NFIB: variants seen among roughly 807,000 people sequenced by gnomAD.
The protein encoded by NFIB is nuclear factor I B, also known as nuclear factor 1 B-type.
In NFIB, 11 loss-of-function variants were observed where a neutral mutation model predicts 61.5. The ratio of observed to expected loss-of-function variants is 0.18; its 90% CI spans 0.11 to 0.30. The LOEUF (loss-of-function observed/expected upper bound fraction) is 0.30. NFIB is among the 10% of genes least tolerant of loss of function. The pLI, the probability that NFIB is intolerant of heterozygous loss-of-function variation, is 1.00. For synonymous variants in NFIB, 260 were observed against 216.5 expected (o/e 1.20, Z -1.76); for missense variants, 471 against 608.9 (o/e 0.77, Z 2.38).
intron 3 of NFIB, among the ~76,000 whole-genome samples, chr9:14,157,644 T>A (rs527559950): frequency 6.6e-6 from 1 of 152,316 alleles, no homozygotes; most frequent in Admixed American, 6.5e-5. Context: ...AACTTCTAAG[T>A]AACAATCACT....
chr9:14,254,457 A>G (rs1029002172), intron 2 of NFIB, among the ~76,000 whole-genome samples: 8 of 152,194 alleles, frequency 5.3e-5, no homozygotes, highest in African/African-American at 1.9e-4. Context: ...GGCTTGCGTT[A>G]CTTACTGATC....
At chr9:14,291,324 A>C (rs974503681) in intron 2 of NFIB, among the ~76,000 whole-genome samples, 9 of 152,012 alleles carry the variant, frequency 5.9e-5, no homozygotes, top group Non-Finnish European at 7.4e-5. Context: ...GTCTCTACTA[A>C]AAATACAAAA....
chr9:14,188,991 A>G (rs918863145), intron 2 of NFIB, among the ~76,000 whole-genome samples: 1 of 152,242 alleles, frequency 6.6e-6, no homozygotes, highest in African/African-American at 2.4e-5. Context: ...TGCAATGTTT[A>G]TGATCCTATT....
Position 14,196,716 on chromosome 9 carries a change from G to A in NFIB, c.563-16936C>T, listed in dbSNP as rs544907053. Among the ~76,000 whole-genome samples, 17 of 148,724 alleles carry A rather than the reference G, an allele frequency of 1.1e-4. No individual in the cohort carries two copies. In the South Asian group the frequency reaches 3.0e-3, roughly 26 times the overall value. On this transcript the variant is annotated intron_variant, in intron 2 of 10. Coordinates refer to ENST00000380953, the MANE Select transcript of NFIB (RefSeq NM_001190737.2). The stretch of plus-strand genomic sequence containing the variant: ...AAAAAAAAAAAAAAACAGAGCCTAA[G>A]TTCATCACTCCTACCCTCAGAACTA...
At chr9:14,242,109 T>C (rs1278051964) in intron 2 of NFIB, among the ~76,000 whole-genome samples, 1 of 152,216 alleles carries the variant, frequency 6.6e-6, no homozygotes, top group Non-Finnish European at 1.5e-5. Context: ...ATATTTAATA[T>C]GTTAAACCTC....
intron 1 of NFIB, among the ~76,000 whole-genome samples, chr9:14,348,281 CAAAT>C (rs2061058755): frequency 1.3e-5 from 2 of 150,456 alleles, no homozygotes; most frequent in African/African-American, 2.4e-5. Context: ...TTCCAATTCC[CAAAT>C]AAATACCTAT....
intron 2 of NFIB, among the ~76,000 whole-genome samples, chr9:14,242,752 A>T (rs1472394549): frequency 6.6e-6 from 1 of 152,228 alleles, no homozygotes; most frequent in African/African-American, 2.4e-5. Flanking sequence ...AAGACATTCA[A>T]ATGTACCCTG....
At chr9:14,433,504 C>T in the NFIB span, among the ~76,000 whole-genome samples, 1 of 152,142 alleles carries the variant, frequency 6.6e-6, no homozygotes, top group Non-Finnish European at 1.5e-5. Context: ...TCTCTGTCAT[C>T]CTGAAAAAAC....
At chr9:14,258,639 C>CTA (rs1434997179) in intron 2 of NFIB, among the ~76,000 whole-genome samples, 1 of 152,198 alleles carries the variant, frequency 6.6e-6, no homozygotes, top group Non-Finnish European at 1.5e-5. Flanking sequence ...TCAGCATGAA[C>CTA]TATGCAACTA....
intron 1 of NFIB, among the ~76,000 whole-genome samples, chr9:14,384,166 A>T (rs989519347): frequency 1.3e-5 from 2 of 152,132 alleles, no homozygotes; most frequent in East Asian, 1.9e-4. Flanking sequence ...CGCAATCCTG[A>T]TGACAGCTCC....
chr9:14,177,972 T>C (rs1014511567), intron 3 of NFIB, among the ~76,000 whole-genome samples: 1 of 152,166 alleles, frequency 6.6e-6, no homozygotes, highest in African/African-American at 2.4e-5. Context: ...TTTAGGTGAG[T>C]ATAATTCCTT....
At chr9:14,107,688 C>T (rs2036773838) in intron 10 of NFIB, among the ~76,000 whole-genome samples, 1 of 152,074 alleles carries the variant, frequency 6.6e-6, no homozygotes. Flanking sequence ...AACCTTCTGA[C>T]TCCTAATCCC....
At chr9:14,210,627 G>A (rs2050209265) in intron 2 of NFIB, among the ~76,000 whole-genome samples, 1 of 151,924 alleles carries the variant, frequency 6.6e-6, no homozygotes, top group African/African-American at 2.4e-5. Flanking sequence ...AATTACTTCT[G>A]ATGGTTAAAA....
the NFIB span, among the ~76,000 whole-genome samples, chr9:14,412,564 G>A: frequency 6.6e-6 from 1 of 152,190 alleles, no homozygotes; most frequent in South Asian, 2.1e-4. Context: ...AATTCCCCAT[G>A]AGTCAAGTCC....
At chr9:14,502,886 CCCA>C in the NFIB span, among the ~76,000 whole-genome samples, 1 of 152,010 alleles carries the variant, frequency 6.6e-6, no homozygotes, top group South Asian at 2.1e-4. Flanking sequence ...TCACTCCCCT[CCCA>C]CCATTTCCCC....
At chr9:14,247,045 T>C (rs1453528191) in intron 2 of NFIB, among the ~76,000 whole-genome samples, 1 of 152,150 alleles carries the variant, frequency 6.6e-6, no homozygotes, top group Non-Finnish European at 1.5e-5. Flanking sequence ...CAGGTGGCTG[T>C]CTGCAAACCA....
intron 9 of NFIB, 24 bp from the exon 10 acceptor site, chr9:14,113,105 A>C: frequency 6.5e-7 from 1 of 1,545,814 alleles, no homozygotes; most frequent in Non-Finnish European, 8.7e-7. Flanking sequence ...AACAAAAACA[A>C]AGATAAAAAT....
chr9:14,277,597 T>G (rs1157223855), intron 2 of NFIB, among the ~76,000 whole-genome samples: 1 of 152,246 alleles, frequency 6.6e-6, no homozygotes, highest in African/African-American at 2.4e-5. Context: ...ACAACTTGTT[T>G]GAGCTCTATC....
chr9:14,464,482 G>A, the NFIB span, among the ~76,000 whole-genome samples: 1 of 152,142 alleles, frequency 6.6e-6, no homozygotes, highest in Admixed American at 6.5e-5. Flanking sequence ...GGTAAGAAGT[G>A]GGCTTTGAAC....
Sources: gnomAD v4.1 joint callset for allele counts (sites outside exome capture counted in the v4.1 genomes callset) on GRCh38, gnomAD v4.1.1 for gene constraint, MANE v1.5 for transcripts, NCBI Gene and HGNC (gene_info 2026-07-23, HGNC 2026-07-21) for gene names.